The following RHPN2 variants were observed in gnomAD, a reference collection of about 807,000 sequenced individuals.
RHPN2 encodes the protein rhophilin Rho GTPase binding protein 2.
In RHPN2, 40 loss-of-function variants were observed where a neutral mutation model predicts 79.0. That is an observed-to-expected ratio of 0.51 (90% confidence interval 0.39 to 0.66). The LOEUF (loss-of-function observed/expected upper bound fraction) is 0.66. Among genes scored for constraint, RHPN2 ranks in the 30% least tolerant of loss-of-function variants. The pLI is 0.00. For missense variants in RHPN2, 686 were observed against 883.5 expected (o/e 0.78, Z 2.83); for synonymous variants, 285 against 363.5 (o/e 0.78, Z 2.46).
rs770676239 is a variant in RHPN2 at position 33,002,431 on chromosome 19, G to C, written c.949-28C>G. 6.7e-5 allele frequency: 108 copies of C among 1,613,456 alleles called. 1 individual carries two copies. The South Asian group carries it at 1.2e-3, about 17-fold the overall frequency. ...GAAATAGAAGGGACACTGGGAAGGGGCAGCCCGGCACAAGGGCCCTCATGA... is the reference window on the plus strand; with the variant it reads ...GAAATAGAAGGGACACTGGGAAGGGCCAGCCCGGCACAAGGGCCCTCATGA... On this transcript the variant is annotated intron_variant, in intron 8 of 14. Transcript: ENST00000254260.
At chr19:32,981,828 G>A (rs996543363) in intron 14 of RHPN2, among the ~76,000 whole-genome samples, 6 of 148,700 alleles carry the variant, frequency 4.0e-5, no homozygotes, top group Non-Finnish European at 8.9e-5. Context: ...ATGCTCCACT[G>A]CCACCATCCA....
intron 3 of RHPN2, among the ~76,000 whole-genome samples, chr19:33,022,389 C>A (rs571004630): frequency 1.3e-5 from 2 of 152,136 alleles, no homozygotes; most frequent in South Asian, 2.1e-4. Context: ...CCTCTGCCCC[C>A]CTCAGCGGGC....
chr19:32,987,692 C>T (rs1390859454), intron 14 of RHPN2, among the ~76,000 whole-genome samples: 2 of 152,214 alleles, frequency 1.3e-5, no homozygotes, highest in Non-Finnish European at 2.9e-5. Context: ...TGTCTCACAG[C>T]CTCAAATATC....
intron 3 of RHPN2, among the ~76,000 whole-genome samples, chr19:33,026,180 G>A (rs553790876): frequency 4.0e-5 from 6 of 151,574 alleles, no homozygotes; most frequent in Admixed American, 1.3e-4. Context: ...TAGCAGAGAC[G>A]GGGTTTCACC....
At chr19:33,004,856 G>A (rs1444051044) in intron 7 of RHPN2, among the ~76,000 whole-genome samples, 2 of 151,444 alleles carry the variant, frequency 1.3e-5, no homozygotes, top group African/African-American at 4.9e-5. Context: ...GAAAGTGCTG[G>A]GATAACAGGC....
intron 4 of RHPN2, among the ~76,000 whole-genome samples, chr19:33,018,836 C>A (rs943727746): frequency 9.3e-5 from 14 of 150,422 alleles, no homozygotes; most frequent in African/African-American, 3.4e-4. Flanking sequence ...AGTTTGAGAC[C>A]AGCCTGGCCA....
chr19:33,029,798 G>C (rs1312434256), intron 2 of RHPN2, among the ~76,000 whole-genome samples: 1 of 152,142 alleles, frequency 6.6e-6, no homozygotes, highest in Non-Finnish European at 1.5e-5. Context: ...TGAGCAAAGG[G>C]AAAGGCACAT....
chr19:33,041,915 G>A (rs1222371508), intron 2 of RHPN2, among the ~76,000 whole-genome samples: 1 of 152,166 alleles, frequency 6.6e-6, no homozygotes, highest in African/African-American at 2.4e-5. Flanking sequence ...AGGCACAGGG[G>A]CTCACTCCTG....
chr19:33,048,690 C>T (rs996428036), intron 1 of RHPN2, among the ~76,000 whole-genome samples: 20 of 131,762 alleles, frequency 1.5e-4, no homozygotes, highest in Non-Finnish European at 3.0e-5. Flanking sequence ...AACACCACTG[C>T]ACTCCAGCCT....
intron 6 of RHPN2, 71 bp from the exon 7 acceptor site, chr19:33,008,251 T>A: frequency 1.3e-4 from 34 of 269,852 alleles, no homozygotes; most frequent in Non-Finnish European, 1.9e-4. Flanking sequence ...GAAAAAATTC[T>A]TTTTTTTTTT....
At chr19:33,008,251 T>C in intron 6 of RHPN2, 71 bp from the exon 7 acceptor site, 1 of 270,086 alleles carries the variant, frequency 3.7e-6, no homozygotes, top group East Asian at 1.5e-4. Context: ...GAAAAAATTC[T>C]TTTTTTTTTT....
At chr19:33,007,173 G>C (rs904739798) in intron 7 of RHPN2, among the ~76,000 whole-genome samples, 5 of 152,088 alleles carry the variant, frequency 3.3e-5, no homozygotes, top group African/African-American at 1.2e-4. Flanking sequence ...TGGAGAAGTT[G>C]GCAGAATGCA....
chr19:33,061,950 G>A (rs1182818211), intron 1 of RHPN2, among the ~76,000 whole-genome samples: 1 of 152,062 alleles, frequency 6.6e-6, no homozygotes, highest in Non-Finnish European at 1.5e-5. Flanking sequence ...TTACAGGTAT[G>A]AGCCACCACA....
At chr19:33,020,494 ATTT>A (rs35117323) in intron 4 of RHPN2, among the ~76,000 whole-genome samples, 4 of 131,374 alleles carry the variant, frequency 3.0e-5, no homozygotes, top group Admixed American at 7.8e-5. Context: ...TGCCCAGCTA[ATTT>A]TTTTTTTTTT....
intron 4 of RHPN2, among the ~76,000 whole-genome samples, 166 bp downstream of exon 4, chr19:33,021,405 G>A (rs1214672268): frequency 3.3e-5 from 5 of 152,060 alleles, no homozygotes; most frequent in Non-Finnish European, 7.4e-5. Context: ...TGCCCAGCCT[G>A]GAGTGCAGTT....
chr19:33,025,151 G>A (rs1367529358), intron 3 of RHPN2, among the ~76,000 whole-genome samples: 3 of 151,952 alleles, frequency 2.0e-5, no homozygotes, highest in Non-Finnish European at 4.4e-5. Flanking sequence ...ATTGAGTTAT[G>A]GAGAATGATA....
rs112818297 is a variant in RHPN2 at position 33,008,486 on chromosome 19, T to C, written c.594-306A>G. 2.9e-3 allele frequency among the ~76,000 whole-genome samples: 439 copies of C among 151,762 alleles called. 6 individuals carry two copies. The highest frequency in any genetic ancestry group is 6.9e-3 in the African/African-American group (287 of 41,432). ...CCCAAACTGCTGTCAAACTCCTGGG[T>C]TGGCTGGGTGCGGTGGCTCACGCCT... On this transcript the variant is annotated intron_variant, in intron 6 of 14. Coordinates refer to ENST00000254260, the MANE Select transcript of RHPN2 (RefSeq NM_033103.5).
chr19:33,003,226 T>C (rs7249197), intron 7 of RHPN2, among the ~76,000 whole-genome samples: 62,220 of 151,210 alleles, frequency 0.41, 13,101 homozygotes, highest in South Asian at 0.53. Context: ...GGTGTGATGG[T>C]GTGCGACTAT....
rs566051016 is a variant in RHPN2, at chr19:33,047,502, T to C, written c.70-3138A>G. On this transcript the variant is annotated intron_variant, in intron 1 of 14. Coordinates refer to ENST00000254260, the MANE Select transcript of RHPN2 (RefSeq NM_033103.5). ...AGGACCTGGGATACGCCCACATTCC[T>C]CTTTGCCGCTTATCTCTAGGTCCTG... 1.6e-3 allele frequency among the ~76,000 whole-genome samples: 239 copies of C among 152,274 alleles called. 1 individual carries two copies. The highest frequency in any genetic ancestry group is 3.4e-3 in the Middle Eastern group (1 of 294).
Sources: allele counts gnomAD v4.1 joint callset (sites outside exome capture counted in the v4.1 genomes callset), GRCh38; gene constraint gnomAD v4.1.1; transcripts MANE v1.5; gene names NCBI Gene and HGNC (gene_info 2026-07-23, HGNC 2026-07-21).